DOC2A: variants seen among roughly 807,000 people sequenced by gnomAD.
DOC2A encodes the protein double C2 domain alpha, also known as double C2-like domain-containing protein alpha.
A neutral mutation model predicts 40.6 loss-of-function variants in DOC2A; 28 were observed. The ratio of observed to expected loss-of-function variants is 0.69; its 90% CI spans 0.51 to 0.95. The LOEUF is 0.95. Among genes scored for constraint, DOC2A ranks in the 40% least tolerant of loss-of-function variants. DOC2A has a pLI of 0.00. For missense variants in DOC2A, 474 were observed against 552.5 expected, an observed-to-expected ratio of 0.86 and a Z score of 1.42; for synonymous variants, 241 against 236.9, an observed-to-expected ratio of 1.02 and a Z score of -0.16.
Position 30,006,283 on chromosome 16 carries a change from C to T in DOC2A, c.1106G>A (p.Trp369Ter). The change falls in exon 11 of 11, where the codon TGG (tryptophan) becomes TAG (stop). Residue 369 changes from tryptophan (W) to a stop codon, truncating the protein, a stop_gained. Coordinates refer to ENST00000350119, the MANE Select transcript of DOC2A (RefSeq NM_003586.3). LOFTEE classifies it high-confidence loss of function. This position sits in a 1 kb window ranked among gnomAD's most constrained non-coding sequence, Gnocchi z 6.2. Reference protein sequence around the residue: ...PGARGEARKHWSDCLQQPDAA... With the variant: ...PGARGEARKH ...GTCCGGCTGCTGCAGGCAGTCACTC[C>T]AGTGCTTCCGAGCCTCGCCTCGGGC... The T allele has an allele frequency of 1.2e-6, 2 of 1,608,356 alleles. No homozygotes were observed. Among genetic ancestry groups the T allele is most frequent in the African/African-American group, 1.3e-5 (1 of 74,934 alleles).
chr16:30,015,251 T>C (rs2070843397), upstream of DOC2A: 1 of 152,260 alleles, frequency 6.6e-6, no homozygotes, highest in Admixed American at 6.5e-5. Flanking sequence ...TTGTGCCACA[T>C]GCATAGGTTA....
chr16:30,008,875 C>T (rs560634419), intron 5 of DOC2A, 121 bp downstream of exon 5: 27 of 742,348 alleles, frequency 3.6e-5, no homozygotes, highest in South Asian at 1.4e-4. Flanking sequence ...GCTAGGGAGC[C>T]GCTGATGGTT....
chr16:30,014,690 C>T (rs1192837528), upstream of DOC2A, among the ~76,000 whole-genome samples: 6 of 133,974 alleles, frequency 4.5e-5, no homozygotes, highest in East Asian at 4.4e-4. Context: ...CTGTAATCCC[C>T]GCAATTTGGG....
upstream of DOC2A, chr16:30,013,558 C>T (rs904412392): frequency 7.2e-6 from 1 of 138,518 alleles, no homozygotes; most frequent in African/African-American, 2.8e-5. Flanking sequence ...AAGCTATAAT[C>T]ACTCCACTGC....
At position 30,006,391 on chromosome 16, in the gene DOC2A, C is replaced by A. The variant is rs749624024; in HGVS notation, c.1057+22G>T. ...CCTGCCACTTGCCCGCCCTCAACAC[C>A]CGCAGCCAGCTCCTCCCTCACCAAT... On this transcript the variant is annotated intron_variant, in intron 10 of 10. Coordinates refer to ENST00000350119, the MANE Select transcript of DOC2A (RefSeq NM_003586.3). The surrounding 1 kb of genome is among the most constrained non-coding windows in gnomAD (Gnocchi z 6.2). 5 of 1,613,604 alleles carry A rather than the reference C, an allele frequency of 3.1e-6. No homozygotes were observed. The highest frequency in any genetic ancestry group is 4.2e-6 in the Non-Finnish European group (5 of 1,179,936).
chr16:30,013,967 G>C (rs949897691), upstream of DOC2A, among the ~76,000 whole-genome samples: 8 of 151,936 alleles, frequency 5.3e-5, no homozygotes, highest in Admixed American at 1.3e-4. Flanking sequence ...CGCCTGCTTC[G>C]GTCTCCCAAA....
At chr16:30,008,520 G>A (rs2070684998) in intron 5 of DOC2A, 1 of 176,206 alleles carries the variant, frequency 5.7e-6, no homozygotes, top group Admixed American at 5.4e-5. Flanking sequence ...CTTTTGTTTT[G>A]TTTTTGAGAT....
upstream of DOC2A, chr16:30,014,981 G>A (rs1001003157): frequency 2.8e-4 from 42 of 152,106 alleles, no homozygotes; most frequent in African/African-American, 1.0e-3. Context: ...CAAGTGCAGA[G>A]AAGCATGCTT....
At chr16:30,014,148 T>C (rs1008782793), upstream of DOC2A, among the ~76,000 whole-genome samples, 1 of 150,610 alleles carries the variant, frequency 6.6e-6, no homozygotes, top group African/African-American at 2.4e-5. Flanking sequence ...CACAAGAGGC[T>C]GTTTTGCTCT....
chr16:30,014,726 T>C (rs937452948), upstream of DOC2A, among the ~76,000 whole-genome samples: 2 of 151,196 alleles, frequency 1.3e-5, no homozygotes, highest in African/African-American at 2.4e-5. Context: ...GATCACGAGG[T>C]CAGGAGTTCA....
Position 30,006,679 on chromosome 16 carries a change from T to C in DOC2A, c.879-2A>G. ...TTGTCCACATCGGGCCTCAGGTACC[T>C]GGGGGTGGGGTGGAGGGAGACGAAC... On this transcript the variant is annotated splice_acceptor_variant, in intron 8 of 10. Transcript: ENST00000350119. LOFTEE classifies it high-confidence loss of function. The surrounding 1 kb of genome is among the most constrained non-coding windows in gnomAD (Gnocchi z 6.2). 6.2e-7 allele frequency: 1 copy of C among 1,613,350 alleles called. No homozygotes were observed. The highest frequency in any genetic ancestry group is 1.1e-5 in the South Asian group (1 of 91,054).
At chr16:30,021,015 C>T (rs970605788) in intron 1 of DOC2A, among the ~76,000 whole-genome samples, 1 of 152,104 alleles carries the variant, frequency 6.6e-6, no homozygotes, top group Non-Finnish European at 1.5e-5. Flanking sequence ...AAAAGGGAAG[C>T]CATCAGCGCA....
chr16:30,023,194 C>A (rs1029664699), upstream of DOC2A: 4 of 658,142 alleles, frequency 6.1e-6, no homozygotes, highest in Non-Finnish European at 1.0e-5. Flanking sequence ...AGACTGGTCC[C>A]AACCTCTCTT....
Position 30,010,282 on chromosome 16 carries a change from C to T in DOC2A, c.-13-47G>A, listed in dbSNP as rs1451774440. 4 of 1,607,128 alleles carry T rather than the reference C, an allele frequency of 2.5e-6. No individual in the cohort carries two copies. Among genetic ancestry groups the T allele is most frequent in the Admixed American group, 1.7e-5 (1 of 60,026 alleles). On this transcript the variant is annotated intron_variant, in intron 1 of 10. Coordinates refer to ENST00000350119, the MANE Select transcript of DOC2A (RefSeq NM_003586.3). This position sits in a 1 kb window ranked among gnomAD's most constrained non-coding sequence, Gnocchi z 4.2. ...AGTGAGCCCATCATACCTAGCCATC[C>T]TGGCTGAGGGCCAGGCGACGGCCTC...
Position 30,010,989 on chromosome 16 carries a change from G to C in DOC2A, c.-100C>G. ...GCCGGCGAGGAGAGCGCGGAGTCGA[G>C]CTGTGCGAGCCGAGAGGGAGGGAGC... On this transcript the variant is annotated 5_prime_UTR_variant, in exon 1 of 11. Transcript: ENST00000350119. The surrounding 1 kb of genome is among the most constrained non-coding windows in gnomAD (Gnocchi z 4.2). The C allele has an allele frequency of 2.0e-6, 2 of 998,318 alleles. No individual in the cohort carries two copies. Among genetic ancestry groups the C allele is most frequent in the Non-Finnish European group, 2.4e-6 (2 of 837,260 alleles). The allele number at this position is 998,318 out of a possible 1,614,324, so 61.8% of individuals were successfully genotyped here. A position where few individuals can be genotyped will look rare whatever the true frequency, so the allele number is the denominator to read the frequency against.
chr16:30,016,055 A>ATATATATATT (rs1163519904), upstream of DOC2A, among the ~76,000 whole-genome samples: 2 of 16,894 alleles, frequency 1.2e-4, no homozygotes, highest in African/African-American at 2.7e-4. Context: ...ATATATATAT[A>ATATATATATT]TTTTTTTTTT....
At position 30,010,065 on chromosome 16, in the gene DOC2A, G is replaced by A; in HGVS notation, c.158C>T (p.Pro53Leu). The A allele has an allele frequency of 6.2e-7, 1 of 1,611,404 alleles. No homozygotes were observed. The highest frequency in any genetic ancestry group is 8.5e-7 in the Non-Finnish European group (1 of 1,178,974). The change falls in exon 2 of 11, where the codon CCC becomes CTC. Residue 53 changes from proline to leucine, a missense_variant. By Grantham distance (98) the Pro-to-Leu change is moderately conservative. Coordinates refer to ENST00000350119, the MANE Select transcript of DOC2A (RefSeq NM_003586.3). This position sits in a 1 kb window ranked among gnomAD's most constrained non-coding sequence, Gnocchi z 4.2. ...EGGGGGGGEA[P>L]AHLVPLALAP... ...CAGAGCCAGGGGGACCAGATGGGCGGGGGCCTCCCCGCCGCCCCCGCCGCC... is the reference window on the plus strand; with the variant it reads ...CAGAGCCAGGGGGACCAGATGGGCGAGGGCCTCCCCGCCGCCCCCGCCGCC...
intron 1 of DOC2A, among the ~76,000 whole-genome samples, chr16:30,018,317 C>A (rs1005092330): frequency 6.6e-6 from 1 of 151,052 alleles, no homozygotes; most frequent in Non-Finnish European, 1.5e-5. Context: ...ATTGAACCAA[C>A]AGATCTTTTT....
upstream of DOC2A, among the ~76,000 whole-genome samples, chr16:30,016,663 G>C (rs1466418338): frequency 1.3e-5 from 2 of 152,212 alleles, no homozygotes; most frequent in African/African-American, 4.8e-5. Context: ...GAAAATGATG[G>C]ACAGTGCTGA....
Sources: gnomAD v4.1 joint callset for allele counts (sites outside exome capture counted in the v4.1 genomes callset) on GRCh38, gnomAD v4.1.1 for gene constraint, Gnocchi (gnomAD v3.1) non-coding constraint, MANE v1.5 for transcripts, NCBI Gene and HGNC (gene_info 2026-07-23, HGNC 2026-07-21) for gene names.